The following MIA2 variants were observed in gnomAD, a reference collection of about 807,000 sequenced individuals.
MIA2 encodes the protein MIA SH3 domain ER export factor 2.
In MIA2, 127 loss-of-function variants were observed where a neutral mutation model predicts 167.8. The observed-to-expected ratio is 0.76, with a 90% CI of 0.66 to 0.88. The LOEUF is 0.88. MIA2 is among the 40% of genes least tolerant of loss of function. MIA2 has a pLI of 0.00. For synonymous variants in MIA2, 552 were observed against 541.9 expected (o/e 1.02, Z -0.26); for missense variants, 1,690 against 1,624.7 (o/e 1.04, Z -0.69).
In MIA2 at chr14:39,365,215, G is replaced by A. The variant is rs183574313; in HGVS notation, c.2248+16238G>A. On this transcript the variant is annotated intron_variant, in intron 23 of 23. Coordinates refer to the MIA2 transcript ENST00000341502. ...CAAGTAGCTGGGATTACAGGCATGC[G>A]CCACCAAGCCTGGCTAATTTTTGTA... Among the ~76,000 whole-genome samples the A allele has an allele frequency of 7.2e-5, 11 of 152,018 alleles. No homozygotes were observed. In the East Asian group the frequency reaches 1.4e-3, roughly 19 times the overall value.
chr14:39,240,684 A>C, intron 3 of MIA2, 37 bp downstream of exon 3: 1 of 1,508,390 alleles, frequency 6.6e-7, no homozygotes, highest in Non-Finnish European at 9.2e-7. Context: ...ATTGAATTTA[A>C]AATTTCTTGG....
At chr14:39,286,239 T>C (rs934129172) in intron 9 of MIA2, among the ~76,000 whole-genome samples, 101 of 152,292 alleles carry the variant, frequency 6.6e-4, no homozygotes, top group Non-Finnish European at 1.1e-3. Flanking sequence ...GGTTAGGAGC[T>C]GGAGACCAGC....
At chr14:39,359,633 T>C (rs542301080) in intron 23 of MIA2, among the ~76,000 whole-genome samples, 1 of 152,190 alleles carries the variant, frequency 6.6e-6, no homozygotes, top group Non-Finnish European at 1.5e-5. Flanking sequence ...TCACCTGTCT[T>C]CTGCGTCGCT....
intron 23 of MIA2, chr14:39,370,571 C>T (rs897510789): frequency 1.1e-5 from 4 of 373,268 alleles, no homozygotes; most frequent in South Asian, 2.3e-5. Flanking sequence ...TTGCTGAAGC[C>T]GCATTGGGGC....
intron 25 of MIA2, among the ~76,000 whole-genome samples, chr14:39,342,280 C>T (rs367594094): frequency 1.3e-3 from 192 of 150,676 alleles, no homozygotes; most frequent in African/African-American, 3.8e-3. Context: ...TTTGTCCTTG[C>T]GATAGTTTGC....
Position 39,262,087 on chromosome 14 carries a change from T to C in MIA2, c.1887+8916T>C, listed in dbSNP as rs142077047. ...GCCCATGCCTATGTCCTGAATGGGATTGCCTAGGTTTTCTTCTAGGGTTTT... is the reference window on the plus strand; with the variant it reads ...GCCCATGCCTATGTCCTGAATGGGACTGCCTAGGTTTTCTTCTAGGGTTTT... On this transcript the variant is annotated intron_variant, in intron 6 of 28. Coordinates refer to ENST00000640607, the MANE Select transcript of MIA2 (RefSeq NM_001329214.4). Among the ~76,000 whole-genome samples the C allele has an allele frequency of 2.6e-3, 396 of 152,286 alleles. 4 individuals carry two copies. Among genetic ancestry groups the C allele is most frequent in the Middle Eastern group, 0.017 (5 of 294 alleles).
chr14:39,364,187 G>T (rs1313516659), intron 23 of MIA2, among the ~76,000 whole-genome samples: 1 of 152,064 alleles, frequency 6.6e-6, no homozygotes, highest in Non-Finnish European at 1.5e-5. Flanking sequence ...GTGAAACCCT[G>T]TCTCTACTAA....
rs2075138981 is a variant in MIA2, at chr14:39,380,683, C to T, written c.2249-6202C>T. Among the ~76,000 whole-genome samples the T allele has an allele frequency of 4.0e-5, 4 of 99,896 alleles. 1 individual carries two copies. 65.5% of individuals were successfully genotyped at this position (99,896 alleles called of 152,430 possible). ...ACTCCAGCCTGGCGACAGAGCGAGA[C>T]TCAGACTCAAAAAAAAAAAAAAAAA... On this transcript the variant is annotated intron_variant, in intron 23 of 23. Coordinates refer to the MIA2 transcript ENST00000341502.
chr14:39,383,465 T>C (rs950562792), intron 23 of MIA2, among the ~76,000 whole-genome samples: 7 of 152,164 alleles, frequency 4.6e-5, no homozygotes, highest in African/African-American at 1.7e-4. Context: ...TCCTTGAGCC[T>C]CCCTACTTCC....
At position 39,297,727 on chromosome 14, in the gene MIA2, G is replaced by T. The variant is rs961392281; in HGVS notation, c.2497-2137G>T. Among the ~76,000 whole-genome samples, 4 of 150,700 alleles carry T rather than the reference G, an allele frequency of 2.7e-5. No homozygotes were observed. In the South Asian group the frequency reaches 8.4e-4, roughly 31 times the overall value. ...TGTGTGTGAAAGAGACAGAGATAGA[G>T]AATGAATGAGAGAGAATGAGAATAA... On this transcript the variant is annotated intron_variant, in intron 13 of 28. Transcript: ENST00000640607.
At chr14:39,286,895 G>GTGTGTA (rs1555365931) in intron 9 of MIA2, among the ~76,000 whole-genome samples, 1,747 of 149,268 alleles carry the variant, frequency 0.012, 15 homozygotes, top group East Asian at 0.026. Context: ...GTGTGTGTGT[G>GTGTGTA]TGTATTTTTT....
chr14:39,298,425 ATATATATATATATATAT>A (rs756315532), intron 13 of MIA2, among the ~76,000 whole-genome samples: 2,555 of 23,658 alleles, frequency 0.11, 297 homozygotes, highest in Middle Eastern at 0.17. Flanking sequence ...ATATATATAT[ATATATATATATATATAT>A]AAAGATTAGT....
intron 7 of MIA2, among the ~76,000 whole-genome samples, chr14:39,278,509 T>G (rs1284306916): frequency 6.6e-6 from 1 of 152,226 alleles, no homozygotes; most frequent in Non-Finnish European, 1.5e-5. Flanking sequence ...ATTGAAGTCC[T>G]CATTTCTTTT....
intron 6 of MIA2, chr14:39,267,092 T>C (rs1415799722): frequency 5.4e-6 from 6 of 1,106,218 alleles, no homozygotes; most frequent in Non-Finnish European, 6.7e-6. Flanking sequence ...CTGCGAAGCT[T>C]GCGCGAAGAA....
intron 6 of MIA2, among the ~76,000 whole-genome samples, chr14:39,270,200 GTTTT>G (rs35675093): frequency 2.3e-5 from 2 of 88,048 alleles, no homozygotes; most frequent in African/African-American, 4.5e-5. Flanking sequence ...CTCTGTTGTG[GTTTT>G]TTTTTTTTTT....
chr14:39,262,943 C>T (rs1455572988), intron 6 of MIA2, among the ~76,000 whole-genome samples: 3 of 152,278 alleles, frequency 2.0e-5, no homozygotes, highest in Non-Finnish European at 4.4e-5. Context: ...TCTAAATATA[C>T]AATCATGTCA....
chr14:39,312,378 G>C (rs2064475562), intron 18 of MIA2, among the ~76,000 whole-genome samples: 1 of 152,236 alleles, frequency 6.6e-6, no homozygotes, highest in Admixed American at 6.5e-5. Flanking sequence ...ATCCATGAAA[G>C]TGATTGACCT....
chr14:39,354,753 G>T (rs1341558365), downstream of MIA2, among the ~76,000 whole-genome samples: 1 of 152,130 alleles, frequency 6.6e-6, no homozygotes, highest in Non-Finnish European at 1.5e-5. Flanking sequence ...TGTAAGGAAG[G>T]GGTCCAGTTT....
At chr14:39,234,413 A>G (rs1292461222) in intron 1 of MIA2, among the ~76,000 whole-genome samples, 184 bp downstream of exon 1, 1 of 152,238 alleles carries the variant, frequency 6.6e-6, no homozygotes, top group Non-Finnish European at 1.5e-5. Context: ...AGTATTTAAT[A>G]CAAATATACA....
Sources: allele counts gnomAD v4.1 joint callset (sites outside exome capture counted in the v4.1 genomes callset), GRCh38; gene constraint gnomAD v4.1.1; transcripts MANE v1.5; gene names NCBI Gene and HGNC (gene_info 2026-07-23, HGNC 2026-07-21).